The following CTNNA3 variants were observed in gnomAD, a reference collection of about 807,000 sequenced individuals.
CTNNA3 encodes the protein catenin alpha 3.
Under a neutral mutation model 95.7 loss-of-function variants are expected in CTNNA3, and 76 were observed. That is an observed-to-expected ratio of 0.79 (90% CI 0.66 to 0.96). CTNNA3 has a LOEUF of 0.96. CTNNA3 is among the 40% of genes least tolerant of loss of function. The pLI is 0.00. For missense variants in CTNNA3, 1,191 were observed against 1,089.8 expected, an observed-to-expected ratio of 1.09 and a Z score of -1.31; for synonymous variants, 431 against 374.4, an observed-to-expected ratio of 1.15 and a Z score of -1.74.
In CTNNA3 at chr10:66,366,688, C is replaced by T. The variant is rs188698054; in HGVS notation, c.1732+12464G>A. On this transcript the variant is annotated intron_variant, in intron 12 of 17. Transcript: ENST00000433211. The stretch of plus-strand genomic sequence containing the variant: ...ATAAATTTCTGTTGTTTATAACTTG[C>T]CCAGACTAAGATATTTTGTTATAGC... Among the ~76,000 whole-genome samples, 13 of 152,170 alleles carry T rather than the reference C, an allele frequency of 8.5e-5. No homozygotes were observed. The East Asian group carries it at 2.5e-3, about 29-fold the overall frequency.
At chr10:67,244,902 C>A (rs1865852960) in intron 5 of CTNNA3, among the ~76,000 whole-genome samples, 1 of 152,202 alleles carries the variant, frequency 6.6e-6, no homozygotes, top group South Asian at 2.1e-4. Context: ...AACAGCAATT[C>A]TTCTAATTGC....
At chr10:66,016,344 A>T (rs2079095827) in intron 15 of CTNNA3, among the ~76,000 whole-genome samples, 1 of 152,152 alleles carries the variant, frequency 6.6e-6, no homozygotes, top group Admixed American at 6.5e-5. Flanking sequence ...CTGTGCTATG[A>T]ATGACATATG....
intron 7 of CTNNA3, among the ~76,000 whole-genome samples, chr10:66,858,390 G>A (rs541206182): frequency 2.0e-5 from 3 of 152,028 alleles, no homozygotes; most frequent in African/African-American, 7.2e-5. Context: ...GCCAGGTTTT[G>A]GTACCAGGAT....
chr10:67,494,665 G>A (rs902028582), intron 5 of CTNNA3, among the ~76,000 whole-genome samples: 1 of 152,160 alleles, frequency 6.6e-6, no homozygotes, highest in Non-Finnish European at 1.5e-5. Flanking sequence ...TTACCCTCTC[G>A]AAATTTTCTA....
Position 67,487,810 on chromosome 10 carries a change from G to A in CTNNA3, c.579+34032C>T, listed in dbSNP as rs1481474642. On this transcript the variant is annotated intron_variant, in intron 5 of 17. Transcript: ENST00000433211. Reference sequence around the variant, plus strand: ...ACTCACACACCTCACCAAGACAGTGGTGACTGCCAGCTTCTCTCTTGACCT... The same window carrying A: ...ACTCACACACCTCACCAAGACAGTGATGACTGCCAGCTTCTCTCTTGACCT... 2.0e-5 allele frequency among the ~76,000 whole-genome samples: 3 copies of A among 152,166 alleles called. No individual in the cohort carries two copies. In the East Asian group the frequency reaches 5.8e-4, roughly 29 times the overall value.
At chr10:66,957,060 A>G (rs1848830519) in intron 7 of CTNNA3, among the ~76,000 whole-genome samples, 1 of 152,176 alleles carries the variant, frequency 6.6e-6, no homozygotes, top group African/African-American at 2.4e-5. Context: ...AGCTCTGTCT[A>G]AATTGAATTC....
At chr10:66,328,250 A>AT (rs1234112124) in intron 12 of CTNNA3, among the ~76,000 whole-genome samples, 1 of 152,120 alleles carries the variant, frequency 6.6e-6, no homozygotes, top group African/African-American at 2.4e-5. Flanking sequence ...GAGCATTATT[A>AT]TTGTCATGTT....
intron 9 of CTNNA3, among the ~76,000 whole-genome samples, chr10:66,682,166 C>T (rs1847087787): frequency 6.6e-6 from 1 of 152,020 alleles, no homozygotes; most frequent in African/African-American, 2.4e-5. Flanking sequence ...TCTATTTTCC[C>T]ACTTGTGATA....
At chr10:67,321,399 G>C (rs570735422) in intron 5 of CTNNA3, among the ~76,000 whole-genome samples, 1 of 152,248 alleles carries the variant, frequency 6.6e-6, no homozygotes, top group Admixed American at 6.5e-5. Flanking sequence ...GCATTTATGT[G>C]ATTCTACTCT....
rs199936311 is a variant in CTNNA3 at position 66,902,802 on chromosome 10, C to T, written c.1048-127278G>A. Reference sequence around the variant, plus strand: ...GAAGAAATGGATAAATTGCTGGACACATACACCCTCCCAAGACTAAACTAG... The same window carrying T: ...GAAGAAATGGATAAATTGCTGGACATATACACCCTCCCAAGACTAAACTAG... On this transcript the variant is annotated intron_variant, in intron 7 of 17. Coordinates refer to ENST00000433211, the MANE Select transcript of CTNNA3 (RefSeq NM_013266.4). 8.5e-5 allele frequency among the ~76,000 whole-genome samples: 13 copies of T among 152,280 alleles called. No homozygotes were observed. In the East Asian group the frequency reaches 2.5e-3, roughly 29 times the overall value.
At chr10:67,189,739 C>G (rs1863034225) in intron 6 of CTNNA3, among the ~76,000 whole-genome samples, 1 of 151,866 alleles carries the variant, frequency 6.6e-6, no homozygotes, top group South Asian at 2.1e-4. Context: ...AACTTGAAAA[C>G]AAGTCAAAGA....
intron 4 of CTNNA3, 75 bp from the exon 5 acceptor site, chr10:67,522,036 G>C: frequency 6.8e-7 from 1 of 1,467,288 alleles, no homozygotes; most frequent in Non-Finnish European, 9.3e-7. Flanking sequence ...CTAACACGAA[G>C]AGTCGATAAT....
intron 10 of CTNNA3, among the ~76,000 whole-genome samples, chr10:66,577,707 C>G (rs965374104): frequency 6.6e-6 from 1 of 152,038 alleles, no homozygotes; most frequent in Non-Finnish European, 1.5e-5. Flanking sequence ...CTGAATCATG[C>G]TGTTTTGGTT....
chr10:66,735,762 T>C (rs937397448), intron 9 of CTNNA3, among the ~76,000 whole-genome samples: 1 of 152,212 alleles, frequency 6.6e-6, no homozygotes, highest in Non-Finnish European at 1.5e-5. Context: ...GAAATTGTTA[T>C]TTCTTCACAA....
At chr10:67,172,645 T>C (rs1862067960) in intron 7 of CTNNA3, among the ~76,000 whole-genome samples, 1 of 152,188 alleles carries the variant, frequency 6.6e-6, no homozygotes, top group East Asian at 1.9e-4. Context: ...AATTAAGGTC[T>C]GTTGACCATT....
chr10:66,785,015 T>C (rs1000289790), intron 7 of CTNNA3, among the ~76,000 whole-genome samples: 18 of 152,186 alleles, frequency 1.2e-4, no homozygotes, highest in African/African-American at 4.3e-4. Context: ...ATTCCAACAT[T>C]TGAGCATTTT....
chr10:66,644,517 T>A (rs951562977), intron 9 of CTNNA3, among the ~76,000 whole-genome samples: 1 of 149,928 alleles, frequency 6.7e-6, no homozygotes, highest in East Asian at 1.9e-4. Context: ...TTAGACACTA[T>A]GTAAATGTCT....
chr10:66,114,589 T>C (rs2082250415), intron 13 of CTNNA3, among the ~76,000 whole-genome samples: 1 of 151,614 alleles, frequency 6.6e-6, no homozygotes, highest in Non-Finnish European at 1.5e-5. Flanking sequence ...ATGAAAAATA[T>C]ATATATATCG....
At chr10:66,240,734 T>C (rs1404021086) in intron 13 of CTNNA3, among the ~76,000 whole-genome samples, 2 of 151,960 alleles carry the variant, frequency 1.3e-5, no homozygotes, top group African/African-American at 4.8e-5. Flanking sequence ...AAATCTTTGA[T>C]AACAAAGAAG....
Sources: gnomAD v4.1 joint callset for allele counts (sites outside exome capture counted in the v4.1 genomes callset) on GRCh38, gnomAD v4.1.1 for gene constraint, MANE v1.5 for transcripts, NCBI Gene and HGNC (gene_info 2026-07-23, HGNC 2026-07-21) for gene names.